Variants in ZNF652 observed in about 807,000 individuals in gnomAD.
ZNF652 encodes the protein zinc finger protein 652.
In ZNF652, 16 loss-of-function variants were observed where a neutral mutation model predicts 45.2. The ratio of observed to expected loss-of-function variants is 0.35; its 90% confidence interval spans 0.24 to 0.54. The LOEUF (loss-of-function observed/expected upper bound fraction) is 0.54. Ranked by LOEUF, ZNF652 falls within the 20% of genes least tolerant of loss-of-function variation. The pLI is 0.91. For missense variants in ZNF652, 614 were observed against 765.6 expected (o/e 0.80, Z 2.34); for synonymous variants, 250 against 260.6 (o/e 0.96, Z 0.39).
intron 1 of ZNF652, among the ~76,000 whole-genome samples, chr17:49,324,294 G>A (rs1260735498): frequency 2.6e-5 from 4 of 152,188 alleles, no homozygotes; most frequent in African/African-American, 9.7e-5. Context: ...TTAGGACCTT[G>A]TTCTAGCTTT....
chr17:49,314,736 C>G (rs373130033), intron 2 of ZNF652, among the ~76,000 whole-genome samples: 2 of 152,124 alleles, frequency 1.3e-5, no homozygotes, highest in Admixed American at 6.6e-5. Context: ...TGTTAATATT[C>G]ACTATAAATA....
intron 5 of ZNF652, among the ~76,000 whole-genome samples, chr17:49,299,569 C>T (rs895234702): frequency 2.0e-5 from 3 of 151,330 alleles, no homozygotes; most frequent in Non-Finnish European, 4.4e-5. Flanking sequence ...TTAGTAGAAA[C>T]GGGGTTTCGC....
chr17:49,351,706 G>A (rs1341070711), intron 1 of ZNF652, among the ~76,000 whole-genome samples: 1 of 152,124 alleles, frequency 6.6e-6, no homozygotes, highest in East Asian at 1.9e-4. Flanking sequence ...CATGTAGTCT[G>A]ATGTAGTGAC....
At chr17:49,303,579 C>T (rs943130287) in intron 5 of ZNF652, among the ~76,000 whole-genome samples, 4 of 152,008 alleles carry the variant, frequency 2.6e-5, no homozygotes, top group Non-Finnish European at 5.9e-5. Context: ...TTTACTTGTA[C>T]AATAAAATAC....
chr17:49,306,944 G>C (rs1037727305), intron 5 of ZNF652, among the ~76,000 whole-genome samples: 3 of 151,952 alleles, frequency 2.0e-5, no homozygotes, highest in Non-Finnish European at 2.9e-5. Flanking sequence ...AGTAGAGACA[G>C]GTTCTGCTGT....
In ZNF652 at chr17:49,296,429, T is replaced by C. The variant is rs901478136; in HGVS notation, c.*1984A>G. On this transcript the variant is annotated 3_prime_UTR_variant, in exon 6 of 6. Transcript: ENST00000430262. The stretch of plus-strand genomic sequence containing the variant: ...TCAATTGAAAGAGTTCATTTTTTCT[T>C]ACCACAGAGCTCATTAGTTAGAAAA... The C allele has an allele frequency of 6.6e-6, 1 of 152,620 alleles. No homozygotes were observed. The highest frequency in any genetic ancestry group is 2.4e-5 in the African/African-American group (1 of 41,454). The allele number at this position is 152,620 out of a possible 1,614,324, so 9.5% of individuals were successfully genotyped here.
At chr17:49,325,593 C>T (rs2069947890) in intron 1 of ZNF652, among the ~76,000 whole-genome samples, 1 of 151,022 alleles carries the variant, frequency 6.6e-6, no homozygotes, top group African/African-American at 2.4e-5. Flanking sequence ...AATTTGTTAG[C>T]AAAGTGCAAT....
intron 1 of ZNF652, among the ~76,000 whole-genome samples, chr17:49,318,559 C>T (rs959996461): frequency 6.6e-6 from 1 of 152,178 alleles, no homozygotes; most frequent in African/African-American, 2.4e-5. Context: ...CAGTGTCTAG[C>T]ATACAGTATA....
rs542001876 is a variant in ZNF652, at chr17:49,315,606, G to C, written c.900+1220C>G. On this transcript the variant is annotated intron_variant, in intron 2 of 5. Transcript: ENST00000430262. Reference sequence around the variant, plus strand: ...AAACCTATATATAAAGATCAAGAACGCTTTCAGTAATGGATCATTACAGAA... The same window carrying C: ...AAACCTATATATAAAGATCAAGAACCCTTTCAGTAATGGATCATTACAGAA... Among the ~76,000 whole-genome samples, 3 of 149,994 alleles carry C rather than the reference G, an allele frequency of 2.0e-5. No individual in the cohort carries two copies. The East Asian group carries it at 5.8e-4, about 29-fold the overall frequency.
At chr17:49,303,376 G>A (rs2069581720) in intron 5 of ZNF652, among the ~76,000 whole-genome samples, 1 of 151,102 alleles carries the variant, frequency 6.6e-6, no homozygotes, top group Non-Finnish European at 1.5e-5. Context: ...AAGTAGCTGG[G>A]ACTACAGGCA....
chr17:49,362,099 C>A lies in ZNF652; in HGVS notation c.-449G>T, dbSNP rs1332171061. 1 of 149,834 alleles carries A rather than the reference C, an allele frequency of 6.7e-6. No homozygotes were observed. Among genetic ancestry groups the A allele is most frequent in the Non-Finnish European group, 1.5e-5 (1 of 67,084 alleles). The allele number at this position is 149,834 out of a possible 1,614,324, so 9.3% of individuals were successfully genotyped here. On this transcript the variant is annotated 5_prime_UTR_variant, in exon 1 of 6. Transcript: ENST00000430262. ...GGCCGCTGCCGCTGCCGCCGCAGCG[C>A]TACGTGGCCGCCGCTCCGACGTCTC... is the stretch of plus-strand genomic sequence containing the variant.
intron 1 of ZNF652, among the ~76,000 whole-genome samples, chr17:49,350,970 C>CATGTGTGTGT (rs1567700007): frequency 4.7e-5 from 2 of 42,288 alleles, no homozygotes; most frequent in Admixed American, 3.1e-4. Flanking sequence ...ACTCTGTCTA[C>CATGTGTGTGT]ATATATATAT....
At chr17:49,312,063 A>G in intron 3 of ZNF652, 21 bp from the exon 4 acceptor site, 1 of 1,572,726 alleles carries the variant, frequency 6.4e-7, no homozygotes. Flanking sequence ...GAATGTACTT[A>G]GTGTCAAAAC....
intron 1 of ZNF652, among the ~76,000 whole-genome samples, chr17:49,329,529 T>C (rs1489134167): frequency 1.3e-5 from 2 of 152,206 alleles, no homozygotes; most frequent in East Asian, 3.8e-4. Context: ...CATTACAAGC[T>C]GTTCTCAGAT....
intron 1 of ZNF652, among the ~76,000 whole-genome samples, chr17:49,323,745 T>TA (rs1222053281): frequency 4.6e-5 from 7 of 152,228 alleles, no homozygotes; most frequent in African/African-American, 1.7e-4. Context: ...CTTGGGTAAC[T>TA]AGGTGCACTG....
intron 1 of ZNF652, among the ~76,000 whole-genome samples, chr17:49,332,430 C>A (rs758223593): frequency 5.9e-5 from 9 of 152,084 alleles, no homozygotes; most frequent in Non-Finnish European, 1.2e-4. Context: ...TGCTAACACA[C>A]CTCTGCCTTT....
chr17:49,352,460 A>G (rs2070292646), intron 1 of ZNF652, among the ~76,000 whole-genome samples: 1 of 152,230 alleles, frequency 6.6e-6, no homozygotes, highest in Non-Finnish European at 1.5e-5. Flanking sequence ...GATTCTTCTC[A>G]TAAGGCTCAA....
At position 49,292,476 on chromosome 17, in the gene ZNF652, G is replaced by A. The variant is rs1243624864; in HGVS notation, c.*5937C>T. Reference sequence around the variant, plus strand: ...GTAAACAGAAGTTTTTGAGGGACAGGGCCATGAGAGAGCAGAAACCCAGGG... The same window carrying A: ...GTAAACAGAAGTTTTTGAGGGACAGAGCCATGAGAGAGCAGAAACCCAGGG... On this transcript the variant is annotated 3_prime_UTR_variant, in exon 6 of 6. Coordinates refer to ENST00000430262, the MANE Select transcript of ZNF652 (RefSeq NM_001145365.3). 1.3e-5 allele frequency among the ~76,000 whole-genome samples: 2 copies of A among 152,120 alleles called. No individual in the cohort carries two copies. The highest frequency in any genetic ancestry group is 4.8e-5 in the African/African-American group (2 of 41,424).
chr17:49,337,044 A>C lies in ZNF652; in HGVS notation c.-258-19061T>G, dbSNP rs1598307569. On this transcript the variant is annotated intron_variant, in intron 1 of 5. Transcript: ENST00000430262. ...TGTTACATTTTAACACAACTTGTTAAAATTAAAGGTGATCAGGCATGGTGG... is the reference window on the plus strand; with the variant it reads ...TGTTACATTTTAACACAACTTGTTACAATTAAAGGTGATCAGGCATGGTGG... 1.3e-5 allele frequency among the ~76,000 whole-genome samples: 2 copies of C among 148,510 alleles called. 1 individual carries two copies. The highest frequency in any genetic ancestry group is 3.0e-5 in the Non-Finnish European group (2 of 67,402).
Sources: gnomAD v4.1 joint callset for allele counts (sites outside exome capture counted in the v4.1 genomes callset) on GRCh38, gnomAD v4.1.1 for gene constraint, MANE v1.5 for transcripts, NCBI Gene and HGNC (gene_info 2026-07-23, HGNC 2026-07-21) for gene names.